SPOCK1: variants seen among roughly 807,000 people sequenced by gnomAD.
SPOCK1 encodes testican-1.
A neutral mutation model predicts 55.3 loss-of-function variants in SPOCK1; 23 were observed. That is an observed-to-expected ratio of 0.42 (90% CI 0.30 to 0.59). SPOCK1 has a LOEUF of 0.59. Ranked by LOEUF, SPOCK1 falls within the 20% of genes least tolerant of loss-of-function variation. SPOCK1 has a pLI of 0.22. For synonymous variants in SPOCK1, 226 were observed against 221.0 expected (o/e 1.02, Z -0.20); for missense variants, 499 against 552.5 (o/e 0.90, Z 0.97).
intron 6 of SPOCK1, among the ~76,000 whole-genome samples, chr5:137,013,393 C>G (rs193172123): frequency 1.3e-5 from 2 of 152,290 alleles, no homozygotes; most frequent in African/African-American, 4.8e-5. Flanking sequence ...ATTCACTTGG[C>G]AAACTTTCTT....
intron 4 of SPOCK1, among the ~76,000 whole-genome samples, chr5:137,119,052 C>G (rs1348999894): frequency 6.6e-6 from 1 of 152,154 alleles, no homozygotes; most frequent in Non-Finnish European, 1.5e-5. Flanking sequence ...GCATACATAA[C>G]CAGTCCTAGT....
intron 2 of SPOCK1, among the ~76,000 whole-genome samples, chr5:137,281,439 T>C (rs1165978598): frequency 6.6e-6 from 1 of 152,218 alleles, no homozygotes; most frequent in Non-Finnish European, 1.5e-5. Flanking sequence ...ACCCTTATAA[T>C]TAGCCTGTTT....
intron 2 of SPOCK1, among the ~76,000 whole-genome samples, chr5:137,347,857 G>A (rs912728161): frequency 1.6e-4 from 25 of 152,140 alleles, no homozygotes; most frequent in African/African-American, 5.1e-4. Flanking sequence ...TGCCCTACAC[G>A]TGCCCTTCCT....
intron 3 of SPOCK1, among the ~76,000 whole-genome samples, chr5:137,265,441 G>A (rs1335018120): frequency 6.6e-6 from 1 of 152,170 alleles, no homozygotes; most frequent in Non-Finnish European, 1.5e-5. Flanking sequence ...AAGCCTGGTA[G>A]GGTTGTTTGC....
At chr5:137,206,402 C>A (rs150435138) in intron 3 of SPOCK1, among the ~76,000 whole-genome samples, 1 of 152,312 alleles carries the variant, frequency 6.6e-6, no homozygotes, top group Non-Finnish European at 1.5e-5. Context: ...TAGGAGCCTG[C>A]CAAACACGGA....
At chr5:137,479,824 C>T (rs1046178357) in intron 2 of SPOCK1, among the ~76,000 whole-genome samples, 5 of 152,154 alleles carry the variant, frequency 3.3e-5, no homozygotes, top group African/African-American at 7.2e-5. Context: ...TAATTTAACC[C>T]GTCCTAACTG....
chr5:137,316,713 G>A (rs569000504), intron 2 of SPOCK1, among the ~76,000 whole-genome samples: 1 of 152,182 alleles, frequency 6.6e-6, no homozygotes, highest in Admixed American at 6.5e-5. Context: ...TTCATCTCTA[G>A]CTCCTCTGCC....
chr5:136,985,285 G>T, intron 8 of SPOCK1, 83 bp from the exon 9 acceptor site: 2 of 1,291,374 alleles, frequency 1.5e-6, no homozygotes, highest in Non-Finnish European at 2.2e-6. Context: ...GATGTGAAAT[G>T]TAGACAATGA....
At chr5:137,374,561 G>C (rs7721855) in intron 2 of SPOCK1, among the ~76,000 whole-genome samples, 5,493 of 152,220 alleles carry the variant, frequency 0.036, 143 homozygotes, top group East Asian at 0.064. Context: ...CGGACTGGAG[G>C]GACAGTGAGG....
intron 3 of SPOCK1, among the ~76,000 whole-genome samples, chr5:137,216,311 C>T (rs965460955): frequency 6.6e-6 from 1 of 152,178 alleles, no homozygotes; most frequent in African/African-American, 2.4e-5. Flanking sequence ...TGTTATGGCT[C>T]ATTCAGTTCA....
At position 137,354,927 on chromosome 5, in the gene SPOCK1, A is replaced by ATC. The variant is rs936814201; in HGVS notation, c.187-87874_187-87873dup. Among the ~76,000 whole-genome samples the ATC allele has an allele frequency of 2.0e-4, 31 of 152,014 alleles. No individual in the cohort carries two copies. The East Asian group carries it at 2.3e-3, about 11-fold the overall frequency. On this transcript the variant is annotated intron_variant, in intron 2 of 10. Transcript: ENST00000394945. ...GTTTTTTTTTGTTTTTTGAAAAGGC[A>ATC]TCTCTCTCTCTGTCTCCCAGGCTGA... is the stretch of plus-strand genomic sequence containing the variant.
chr5:137,464,313 T>TAAAC (rs980988696), intron 2 of SPOCK1, among the ~76,000 whole-genome samples: 1 of 151,972 alleles, frequency 6.6e-6, no homozygotes, highest in East Asian at 1.9e-4. Context: ...AATAAATAAA[T>TAAAC]AAACAAACAA....
chr5:137,235,794 G>A (rs1340364472), intron 3 of SPOCK1, among the ~76,000 whole-genome samples: 2 of 152,234 alleles, frequency 1.3e-5, no homozygotes, highest in African/African-American at 4.8e-5. Context: ...GTGTAAGGAT[G>A]GAATGTGTGA....
intron 2 of SPOCK1, among the ~76,000 whole-genome samples, chr5:137,429,424 A>T (rs149985192): frequency 3.5e-4 from 53 of 152,136 alleles, no homozygotes; most frequent in Non-Finnish European, 6.9e-4. Context: ...ACTTACCACC[A>T]CTGTAATTAC....
chr5:136,982,307 C>T (rs988439277), intron 9 of SPOCK1, among the ~76,000 whole-genome samples: 11 of 152,066 alleles, frequency 7.2e-5, no homozygotes, highest in African/African-American at 2.4e-4. Flanking sequence ...AGAGTATTTA[C>T]CCTCATTTAA....
intron 3 of SPOCK1, among the ~76,000 whole-genome samples, chr5:137,231,117 C>G (rs893313001): frequency 3.3e-5 from 5 of 151,788 alleles, no homozygotes; most frequent in African/African-American, 1.2e-4. Context: ...GATCTTGGCT[C>G]ACTGTAACCT....
intron 3 of SPOCK1, among the ~76,000 whole-genome samples, chr5:137,170,483 T>C (rs1017348008): frequency 7.2e-5 from 11 of 152,214 alleles, no homozygotes; most frequent in African/African-American, 2.6e-4. Flanking sequence ...TATTTGGAGA[T>C]GGGGACTTTG....
rs538453604 is a variant in SPOCK1, at chr5:137,340,634, A to C, written c.187-73579T>G. ...GGTGGCTCACGCCTGTAATCCCAGC[A>C]CTTTGGGAGGCCGAGGTGGGTGGAT... On this transcript the variant is annotated intron_variant, in intron 2 of 10. Transcript: ENST00000394945. Among the ~76,000 whole-genome samples the C allele has an allele frequency of 5.3e-5, 8 of 152,278 alleles. No individual in the cohort carries two copies. In the East Asian group the frequency reaches 1.5e-3, roughly 29 times the overall value.
chr5:137,411,098 G>A (rs1184668768), intron 2 of SPOCK1, among the ~76,000 whole-genome samples: 1 of 152,122 alleles, frequency 6.6e-6, no homozygotes, highest in East Asian at 1.9e-4. Flanking sequence ...CACTGTACTG[G>A]GCCCCAATGA....
Sources: gnomAD v4.1 joint callset for allele counts (sites outside exome capture counted in the v4.1 genomes callset) on GRCh38, gnomAD v4.1.1 for gene constraint, MANE v1.5 for transcripts, NCBI Gene and HGNC (gene_info 2026-07-23, HGNC 2026-07-21) for gene names.